GSTM5: variants seen among roughly 807,000 people sequenced by gnomAD.
GSTM5 encodes the protein GST class-mu 5.
GSTM5 carries 24 observed loss-of-function variants against 29.0 expected under a neutral mutation model. The ratio of observed to expected loss-of-function variants is 0.83; its 90% CI spans 0.60 to 1.16. The LOEUF is 1.16. GSTM5 is among the 50% of genes most tolerant of loss of function. GSTM5 has a pLI of 0.00. For synonymous variants in GSTM5, 91 were observed against 93.6 expected (o/e 0.97, Z 0.16); for missense variants, 290 against 263.0 (o/e 1.10, Z -0.71).
At chr1:109,712,841 T>C (rs1230459358) in intron 2 of GSTM5, 148 bp downstream of exon 2, 32 of 1,000,352 alleles carry the variant, frequency 3.2e-5, no homozygotes, top group Non-Finnish European at 4.9e-5. Flanking sequence ...GTGAGCCCTC[T>C]GGCCTTGCAA....
chr1:109,715,480 T>C (rs1648714178), intron 7 of GSTM5: 1 of 1,500,720 alleles, frequency 6.7e-7, no homozygotes, highest in Non-Finnish European at 8.9e-7. Flanking sequence ...AATGAGAGGG[T>C]CAGTCCTTTG....
rs1648818196 is a variant in GSTM5, at chr1:109,718,249, C to T, written c.*823C>T. On this transcript the variant is annotated 3_prime_UTR_variant, in exon 8 of 8. Coordinates refer to ENST00000256593, the MANE Select transcript of GSTM5 (RefSeq NM_000851.4). ...TTCGTCATGACACTTCTCAATAAAA[C>T]GTATCCCACCGTATTGTAATCATGG... The T allele has an allele frequency of 1.3e-5, 2 of 152,192 alleles. No individual in the cohort carries two copies. The highest frequency in any genetic ancestry group is 2.4e-5 in the African/African-American group (1 of 41,454). The allele number at this position is 152,192 out of a possible 1,614,324, so 9.4% of individuals were successfully genotyped here.
At position 109,717,356 on chromosome 1, in the gene GSTM5, C is replaced by T. The variant is rs1425385433; in HGVS notation, c.587C>T (p.Ala196Val). 1 of 1,613,674 alleles carries T rather than the reference C, an allele frequency of 6.2e-7. No homozygotes were observed. The highest frequency in any genetic ancestry group is 8.5e-7 in the Non-Finnish European group (1 of 1,179,752). Residue 196 changes from alanine (A) to valine (V), a missense_variant, in exon 8 of 8, where the codon GCC (alanine) becomes GTC (valine). By Grantham distance (64) the Ala-to-Val change is moderately conservative. Coordinates refer to ENST00000256593, the MANE Select transcript of GSTM5 (RefSeq NM_000851.4). ...CCTCAGGGTTTGAAGAAGATCTCTG[C>T]CTACATGAAGTCCAGCCAATTCCTC... ...SRFEGLKKIS[A>V]YMKSSQFLRG...
intron 5 of GSTM5, chr1:109,714,582 G>A (rs1011365843): frequency 3.7e-6 from 1 of 269,662 alleles, no homozygotes. Context: ...CCATTAGAAG[G>A]AACTTTCTAC....
chr1:109,713,414 T>G (rs1242580333), intron 3 of GSTM5, 70 bp from the exon 4 acceptor site: 1 of 1,603,338 alleles, frequency 6.2e-7, no homozygotes, highest in African/African-American at 1.3e-5. Flanking sequence ...TCTCTGCCCT[T>G]GCATATGGGA....
In GSTM5 at chr1:109,715,517, T is replaced by C. The variant is rs549519836; in HGVS notation, c.567+277T>C. ...TCAGGGTCCCAGAGCCAGTGGAGGC[T>C]GTGCTGGGCTCCCTGTGAGCCTCTG... On this transcript the variant is annotated intron_variant, in intron 7 of 7. Coordinates refer to ENST00000256593, the MANE Select transcript of GSTM5 (RefSeq NM_000851.4). The C allele has an allele frequency of 1.1e-4, 154 of 1,454,722 alleles. No individual in the cohort carries two copies. The African/African-American group carries it at 2.0e-3, about 18-fold the overall frequency. 90.1% of individuals were successfully genotyped at this position (1,454,722 alleles called of 1,614,324 possible).
chr1:109,716,158 C>T, intron 7 of GSTM5: 1 of 275,368 alleles, frequency 3.6e-6, no homozygotes, highest in Non-Finnish European at 7.1e-6. Context: ...CCATCCCTCA[C>T]CTGTGTTGAA....
chr1:109,713,378 C>T (rs546324417), intron 3 of GSTM5, 106 bp from the exon 4 acceptor site: 1 of 1,502,850 alleles, frequency 6.7e-7, no homozygotes, highest in East Asian at 2.3e-5. Context: ...CTATCTCAGG[C>T]CTGCCATGAG....
chr1:109,713,853 C>T (rs559886740), intron 5 of GSTM5, 92 bp downstream of exon 5: 2 of 995,060 alleles, frequency 2.0e-6, no homozygotes, highest in East Asian at 4.8e-5. Flanking sequence ...GTAGCAGACT[C>T]CGGCCAGCTG....
At position 109,712,516 on chromosome 1, in the gene GSTM5, A is replaced by C. The variant is rs1648589310; in HGVS notation, c.37-102A>C. 50 of 1,420,776 alleles carry C rather than the reference A, an allele frequency of 3.5e-5. 2 individuals carry two copies. The South Asian group carries it at 5.5e-4, about 16-fold the overall frequency. The allele number at this position is 1,420,776 out of a possible 1,614,324, so 88.0% of individuals were successfully genotyped here. A position where few individuals can be genotyped will look rare whatever the true frequency, so the allele number is the denominator to read the frequency against. On this transcript the variant is annotated intron_variant, in intron 1 of 7. Coordinates refer to ENST00000256593, the MANE Select transcript of GSTM5 (RefSeq NM_000851.4). Reference sequence around the variant, plus strand: ...GGGGTGGGGGCGGGTAGAGGAGGCGACGGGTACGTGCAGTATAGACTAGGG... The same window carrying C: ...GGGGTGGGGGCGGGTAGAGGAGGCGCCGGGTACGTGCAGTATAGACTAGGG...
At chr1:109,713,091 G>A in intron 2 of GSTM5, 28 bp from the exon 3 acceptor site, 1 of 1,612,158 alleles carries the variant, frequency 6.2e-7, no homozygotes, top group South Asian at 1.1e-5. Context: ...CTCTGGGGAG[G>A]TTTGTTTTCA....
chr1:109,717,667 T>A lies in GSTM5; in HGVS notation c.*241T>A. 2.1e-6 allele frequency: 1 copy of A among 465,812 alleles called. No individual in the cohort carries two copies. The highest frequency in any genetic ancestry group is 4.0e-6 in the Non-Finnish European group (1 of 252,964). The allele number at this position is 465,812 out of a possible 1,614,324, so 28.9% of individuals were successfully genotyped here. On this transcript the variant is annotated 3_prime_UTR_variant, in exon 8 of 8. Coordinates refer to ENST00000256593, the MANE Select transcript of GSTM5 (RefSeq NM_000851.4). ...CCCCCTCCTAACGTCTTCCTTTCCC[T>A]GCACTAACGCCAACCTGACTGCTTT...
chr1:109,715,595 C>T (rs1648717938), intron 7 of GSTM5: 1 of 1,128,320 alleles, frequency 8.9e-7, no homozygotes, highest in Non-Finnish European at 1.2e-6. Flanking sequence ...GGAGAAGCCT[C>T]AGGCCTCATC....
At chr1:109,712,415 A>T (rs1648582574) in intron 1 of GSTM5, 67 bp downstream of exon 1, 5 of 1,552,748 alleles carry the variant, frequency 3.2e-6, no homozygotes, top group Non-Finnish European at 4.4e-6. Context: ...TAGCTGCAGG[A>T]CTGGCTCTAG....
intron 7 of GSTM5, chr1:109,715,496 G>A: frequency 6.8e-7 from 1 of 1,479,862 alleles, no homozygotes; most frequent in Non-Finnish European, 9.0e-7. Flanking sequence ...CTTTGCTCAG[G>A]GTCCCAGAGC....
chr1:109,715,522 T>C lies in GSTM5; in HGVS notation c.567+282T>C, dbSNP rs561345548. ...GTCCCAGAGCCAGTGGAGGCTGTGC[T>C]GGGCTCCCTGTGAGCCTCTGGATCT... is the stretch of plus-strand genomic sequence containing the variant. On this transcript the variant is annotated intron_variant, in intron 7 of 7. Transcript: ENST00000256593. 164 of 1,451,228 alleles carry C rather than the reference T, an allele frequency of 1.1e-4. No individual in the cohort carries two copies. The African/African-American group carries it at 2.0e-3, about 18-fold the overall frequency. 89.9% of individuals were successfully genotyped at this position (1,451,228 alleles called of 1,614,324 possible). A position where few individuals can be genotyped will look rare whatever the true frequency, so the allele number is the denominator to read the frequency against.
intron 2 of GSTM5, 68 bp downstream of exon 2, chr1:109,712,761 C>T: frequency 6.4e-7 from 1 of 1,560,160 alleles, no homozygotes. Context: ...CCCATGGTGG[C>T]CACCTGTGGC....
chr1:109,712,442 G>C, intron 1 of GSTM5, 94 bp downstream of exon 1: 1 of 1,470,574 alleles, frequency 6.8e-7, no homozygotes, highest in Non-Finnish European at 9.5e-7. Context: ...TTCCTCTTCA[G>C]GGCTGCCCGC....
rs980444543 is a variant in GSTM5, at chr1:109,717,696, T to C, written c.*270T>C. On this transcript the variant is annotated 3_prime_UTR_variant, in exon 8 of 8. Transcript: ENST00000256593. ...CTAACGCCAACCTGACTGCTTTTCC[T>C]GTCAGTGCTTTTCTCTTCTTTGAGA... 6 of 405,984 alleles carry C rather than the reference T, an allele frequency of 1.5e-5. No individual in the cohort carries two copies. The highest frequency in any genetic ancestry group is 4.6e-5 in the South Asian group (2 of 43,304). 25.1% of individuals were successfully genotyped at this position (405,984 alleles called of 1,614,324 possible).
Sources: gnomAD v4.1 joint callset for allele counts on GRCh38, gnomAD v4.1.1 for gene constraint, MANE v1.5 for transcripts, NCBI Gene and HGNC (gene_info 2026-07-23, HGNC 2026-07-21) for gene names.